Variants in NEK10 observed in about 807,000 individuals in gnomAD.
NEK10 encodes the protein NIMA related kinase 10, also known as serine/threonine-protein kinase Nek10.
Under a neutral mutation model 159.8 loss-of-function variants are expected in NEK10, and 122 were observed. That is an observed-to-expected ratio of 0.76 (90% confidence interval 0.66 to 0.89). The LOEUF (loss-of-function observed/expected upper bound fraction) is 0.89. Among genes scored for constraint, NEK10 ranks in the 40% least tolerant of loss-of-function variants. The probability of loss-of-function intolerance (pLI) is 0.00; values close to 1 mark genes in which losing one functional copy is unlikely to be tolerated. For synonymous variants in NEK10, 466 were observed against 457.1 expected (o/e 1.02, Z -0.25); for missense variants, 1,342 against 1,323.1 (o/e 1.01, Z -0.22).
Position 27,331,262 on chromosome 3 carries a change from A to AAAAAAAAAAC in NEK10, c.363-9002_363-9001insGTTTTTTTTT. The stretch of plus-strand genomic sequence containing the variant: ...CAAAAAAAAAAAAACAAAAAAAAAA[A>AAAAAAAAAAC]ACACACAAACCTAAGACTTTTGAGG... On this transcript the variant is annotated intron_variant, in intron 5 of 35. Transcript: ENST00000691995. Among the ~76,000 whole-genome samples the AAAAAAAAAAC allele has an allele frequency of 1.7e-3, 187 of 110,092 alleles. 9 individuals carry two copies. The highest frequency in any genetic ancestry group is 4.1e-3 in the South Asian group (12 of 2,962). The allele number at this position is 110,092 out of a possible 152,430, so 72.2% of individuals were successfully genotyped here.
chr3:27,215,216 A>AT (rs111984820), intron 23 of NEK10, among the ~76,000 whole-genome samples: 1 of 152,202 alleles, frequency 6.6e-6, no homozygotes, highest in African/African-American at 2.4e-5. Context: ...CACAATATAG[A>AT]TTTTCAAAAC....
At chr3:27,303,004 C>T (rs961532535) in intron 12 of NEK10, among the ~76,000 whole-genome samples, 7 of 152,144 alleles carry the variant, frequency 4.6e-5, no homozygotes, top group African/African-American at 1.7e-4. Flanking sequence ...CATACTCCAG[C>T]CACAAGACAG....
At chr3:27,168,338 C>G (rs1946664594) in intron 29 of NEK10, among the ~76,000 whole-genome samples, 1 of 151,582 alleles carries the variant, frequency 6.6e-6, no homozygotes, top group Non-Finnish European at 1.5e-5. Flanking sequence ...TTGCTATCTT[C>G]TTTTATATTC....
At chr3:27,185,614 T>C (rs750221206) in intron 26 of NEK10, among the ~76,000 whole-genome samples, 2 of 152,176 alleles carry the variant, frequency 1.3e-5, no homozygotes, top group Non-Finnish European at 2.9e-5. Flanking sequence ...GTCCCCACAA[T>C]CATGTAAGCC....
chr3:27,319,348 A>T (rs1181998650), intron 6 of NEK10, among the ~76,000 whole-genome samples: 1 of 152,162 alleles, frequency 6.6e-6, no homozygotes, highest in African/African-American at 2.4e-5. Context: ...CATTCCTTCC[A>T]GTCTTTCCTG....
intron 23 of NEK10, among the ~76,000 whole-genome samples, chr3:27,235,453 G>A (rs1185040815): frequency 6.6e-6 from 1 of 152,084 alleles, no homozygotes; most frequent in Non-Finnish European, 1.5e-5. Context: ...AGTGGGCAAA[G>A]GACATGAACA....
At chr3:27,315,448 T>C (rs1281372953) in intron 6 of NEK10, among the ~76,000 whole-genome samples, 1 of 152,212 alleles carries the variant, frequency 6.6e-6, no homozygotes. Context: ...TAGAACTCAA[T>C]TAAAAATAGT....
In NEK10 at chr3:27,106,907, C is replaced by T. The variant is rs1939039125; in HGVS notation, c.*4365G>A. On this transcript the variant is annotated 3_prime_UTR_variant, in exon 36 of 36. Coordinates refer to ENST00000691995, the MANE Select transcript of NEK10 (RefSeq NM_001394966.1). ...CTATTTCCAAATGACAGCATTTAAA[C>T]AGTCACGTACTTCTGTTATCGCTAA... 6.6e-6 allele frequency among the ~76,000 whole-genome samples: 1 copy of T among 152,184 alleles called. No individual in the cohort carries two copies. The highest frequency in any genetic ancestry group is 1.5e-5 in the Non-Finnish European group (1 of 68,032).
chr3:27,329,492 A>G (rs1412431858), intron 5 of NEK10, among the ~76,000 whole-genome samples: 1 of 152,160 alleles, frequency 6.6e-6, no homozygotes, highest in Non-Finnish European at 1.5e-5. Context: ...CCTGGCTCTC[A>G]GAAACTTATG....
At chr3:27,121,886 T>C (rs1474840917) in intron 32 of NEK10, among the ~76,000 whole-genome samples, 1 of 151,638 alleles carries the variant, frequency 6.6e-6, no homozygotes, top group Non-Finnish European at 1.5e-5. Context: ...GGTGAAAATG[T>C]GTTCATAAAA....
At chr3:27,247,725 C>G (rs1955213827) in intron 23 of NEK10, among the ~76,000 whole-genome samples, 1 of 151,788 alleles carries the variant, frequency 6.6e-6, no homozygotes, top group Non-Finnish European at 1.5e-5. Context: ...TTAGTAGAGA[C>G]AGGGTTTCGC....
At chr3:27,306,216 T>C (rs886964926) in intron 11 of NEK10, among the ~76,000 whole-genome samples, 3 of 152,192 alleles carry the variant, frequency 2.0e-5, no homozygotes, top group Non-Finnish European at 4.4e-5. Flanking sequence ...CTGGGCAACG[T>C]TGGGATTCTT....
chr3:27,367,130 G>A (rs928791865), intron 1 of NEK10, among the ~76,000 whole-genome samples: 2 of 152,100 alleles, frequency 1.3e-5, no homozygotes, highest in African/African-American at 4.8e-5. Flanking sequence ...ATTTTTAAAC[G>A]TGAAAGCTTA....
At chr3:27,335,505 G>C (rs1284943378) in intron 5 of NEK10, among the ~76,000 whole-genome samples, 1 of 152,106 alleles carries the variant, frequency 6.6e-6, no homozygotes, top group African/African-American at 2.4e-5. Flanking sequence ...TAGACCAAAT[G>C]AACATAACAG....
chr3:27,254,725 A>G (rs912766665), intron 23 of NEK10, among the ~76,000 whole-genome samples: 1 of 152,180 alleles, frequency 6.6e-6, no homozygotes, highest in Non-Finnish European at 1.5e-5. Context: ...TATACTTTAC[A>G]TGCTATTAAA....
intron 30 of NEK10, among the ~76,000 whole-genome samples, chr3:27,153,212 C>T (rs995216695): frequency 2.1e-4 from 32 of 151,220 alleles, no homozygotes; most frequent in African/African-American, 7.8e-4. Context: ...CTCAGCTACT[C>T]GGGAGGCTGA....
At chr3:27,291,427 T>C (rs1420485733) in intron 17 of NEK10, 37 bp from the exon 18 acceptor site, 1 of 1,607,444 alleles carries the variant, frequency 6.2e-7, no homozygotes, top group Non-Finnish European at 8.5e-7. Flanking sequence ...GTTTCTGTGA[T>C]AAATTACATC....
intron 23 of NEK10, among the ~76,000 whole-genome samples, chr3:27,240,689 T>C (rs1014824151): frequency 6.6e-6 from 1 of 150,902 alleles, no homozygotes; most frequent in African/African-American, 2.4e-5. Context: ...TCTCACTGTG[T>C]TGGCCAGACT....
intron 26 of NEK10, among the ~76,000 whole-genome samples, chr3:27,185,890 A>G (rs542117969): frequency 7.7e-4 from 117 of 152,358 alleles, no homozygotes; most frequent in Admixed American, 1.5e-3. Flanking sequence ...ATATAATGCA[A>G]GATACTGAGA....
Sources: allele counts gnomAD v4.1 joint callset (sites outside exome capture counted in the v4.1 genomes callset), GRCh38; gene constraint gnomAD v4.1.1; transcripts MANE v1.5; gene names NCBI Gene and HGNC (gene_info 2026-07-23, HGNC 2026-07-21).